Variants in NALF1 observed in about 807,000 individuals in gnomAD.
NALF1 encodes family with sequence similarity 155 member A.
In NALF1, 3 loss-of-function variants were observed where a neutral mutation model predicts 48.4. That is an observed-to-expected ratio of 0.06 (90% confidence interval 0.03 to 0.16). The LOEUF is 0.16. Ranked by LOEUF, NALF1 falls within the 10% of genes least tolerant of loss-of-function variation. The probability of loss-of-function intolerance (pLI) is 1.00; values close to 1 mark genes in which losing one functional copy is unlikely to be tolerated. For missense variants in NALF1, 526 were observed against 571.5 expected (o/e 0.92, Z 0.81); for synonymous variants, 262 against 245.7 (o/e 1.07, Z -0.62).
chr13:107,256,702 T>C (rs933600911), intron 1 of NALF1, among the ~76,000 whole-genome samples: 3 of 152,178 alleles, frequency 2.0e-5, no homozygotes, highest in Admixed American at 2.0e-4. Flanking sequence ...CCCTTGTTTG[T>C]CAGTTGCAAC....
At chr13:107,604,652 T>G (rs758299516) in intron 1 of NALF1, among the ~76,000 whole-genome samples, 38 of 152,198 alleles carry the variant, frequency 2.5e-4, no homozygotes, top group Non-Finnish European at 4.6e-4. Context: ...GAATATGGCA[T>G]GTTCCCTCAT....
intron 1 of NALF1, among the ~76,000 whole-genome samples, chr13:107,388,712 G>C (rs1883571331): frequency 6.6e-6 from 1 of 152,180 alleles, no homozygotes; most frequent in South Asian, 2.1e-4. Context: ...AAAGGGAATT[G>C]AGCCTGCATA....
At chr13:107,831,154 T>A (rs1425106010) in intron 1 of NALF1, among the ~76,000 whole-genome samples, 1 of 152,222 alleles carries the variant, frequency 6.6e-6, no homozygotes, top group Non-Finnish European at 1.5e-5. Flanking sequence ...AAATTTTCAT[T>A]ATCCACATTT....
chr13:107,284,249 G>C (rs1221806738), intron 1 of NALF1, among the ~76,000 whole-genome samples: 2 of 152,108 alleles, frequency 1.3e-5, no homozygotes, highest in Non-Finnish European at 2.9e-5. Flanking sequence ...GGAGAAGGGG[G>C]AGAATAGGAT....
chr13:107,732,138 T>C (rs1352066342), intron 1 of NALF1, among the ~76,000 whole-genome samples: 1 of 152,136 alleles, frequency 6.6e-6, no homozygotes, highest in East Asian at 1.9e-4. Context: ...CTTATTCTTT[T>C]TCATGAAGTT....
intron 1 of NALF1, among the ~76,000 whole-genome samples, chr13:107,774,465 A>G (rs894027164): frequency 5.3e-5 from 8 of 152,296 alleles, no homozygotes; most frequent in African/African-American, 1.9e-4. Context: ...GTCAGATAGT[A>G]TATGTTCCGT....
At chr13:107,439,908 G>T (rs1884528222) in intron 1 of NALF1, among the ~76,000 whole-genome samples, 1 of 152,070 alleles carries the variant, frequency 6.6e-6, no homozygotes, top group East Asian at 1.9e-4. Context: ...ACCCTTGGCT[G>T]CATTATTCTT....
At chr13:107,211,128 C>A (rs1003993598) in intron 1 of NALF1, among the ~76,000 whole-genome samples, 10 of 152,184 alleles carry the variant, frequency 6.6e-5, no homozygotes, top group Admixed American at 5.9e-4. Context: ...TTACTTGCAA[C>A]GTGGCTGATG....
chr13:107,845,963 G>C (rs1880160955), intron 1 of NALF1, among the ~76,000 whole-genome samples: 1 of 152,036 alleles, frequency 6.6e-6, no homozygotes, highest in African/African-American at 2.4e-5. Flanking sequence ...AAATACATAT[G>C]AATATATATA....
chr13:107,313,150 A>G (rs1023397363), intron 1 of NALF1, among the ~76,000 whole-genome samples: 6 of 152,146 alleles, frequency 3.9e-5, no homozygotes, highest in Non-Finnish European at 7.3e-5. Flanking sequence ...AAAAGAAATG[A>G]CCAAAAACAG....
chr13:107,806,141 G>T (rs976820713), intron 1 of NALF1, among the ~76,000 whole-genome samples: 1 of 152,120 alleles, frequency 6.6e-6, no homozygotes, highest in Non-Finnish European at 1.5e-5. Flanking sequence ...GGTTGGGAAG[G>T]CACATGCGTT....
chr13:107,272,510 G>C (rs372686062), intron 1 of NALF1, among the ~76,000 whole-genome samples: 1 of 15,084 alleles, frequency 6.6e-5, no homozygotes, highest in African/African-American at 1.3e-4. Context: ...CACCGCGCCC[G>C]GCCTAGAATT....
At chr13:107,581,914 G>C (rs1048039404) in intron 1 of NALF1, among the ~76,000 whole-genome samples, 1 of 151,920 alleles carries the variant, frequency 6.6e-6, no homozygotes, top group Non-Finnish European at 1.5e-5. Flanking sequence ...CTAGTTCCTC[G>C]CAATTTCAGC....
intron 1 of NALF1, among the ~76,000 whole-genome samples, chr13:107,614,623 T>C (rs902009126): frequency 6.6e-6 from 1 of 152,194 alleles, no homozygotes; most frequent in Non-Finnish European, 1.5e-5. Flanking sequence ...TAAACAAATA[T>C]ACCAACTATT....
intron 1 of NALF1, among the ~76,000 whole-genome samples, chr13:107,801,638 G>A (rs979643247): frequency 3.9e-5 from 6 of 152,090 alleles, no homozygotes; most frequent in South Asian, 2.1e-4. Context: ...GAATCCTGTC[G>A]GGGCCAACTA....
intron 1 of NALF1, among the ~76,000 whole-genome samples, chr13:107,809,976 T>C (rs1432520252): frequency 6.6e-6 from 1 of 152,100 alleles, no homozygotes; most frequent in Non-Finnish European, 1.5e-5. Flanking sequence ...CTCTCCTTTC[T>C]TCTTCTCTCC....
intron 1 of NALF1, among the ~76,000 whole-genome samples, chr13:107,768,941 G>A (rs1877495162): frequency 6.6e-6 from 1 of 152,068 alleles, no homozygotes; most frequent in Admixed American, 6.6e-5. Context: ...ATGAAAAAAT[G>A]CTCATCATCA....
chr13:107,565,338 T>TC (rs1212408416), intron 1 of NALF1, among the ~76,000 whole-genome samples: 1 of 144,276 alleles, frequency 6.9e-6, no homozygotes, highest in Non-Finnish European at 1.5e-5. Context: ...TGAGCTGCCA[T>TC]CGTGCCACTG....
At chr13:107,635,018 A>ATCT (rs1189385508) in intron 1 of NALF1, among the ~76,000 whole-genome samples, 1 of 152,110 alleles carries the variant, frequency 6.6e-6, no homozygotes, top group Non-Finnish European at 1.5e-5. Flanking sequence ...CTTCCTATTA[A>ATCT]TCTACATCAC....
Sources: gnomAD v4.1 joint callset for allele counts (sites outside exome capture counted in the v4.1 genomes callset) on GRCh38, gnomAD v4.1.1 for gene constraint, MANE v1.5 for transcripts, NCBI Gene and HGNC (gene_info 2026-07-23, HGNC 2026-07-21) for gene names.